The following STAT4 variants were observed in gnomAD, a reference collection of about 807,000 sequenced individuals.
The protein encoded by STAT4 is signal transducer and activator of transcription 4.
Under a neutral mutation model 110.5 loss-of-function variants are expected in STAT4, and 42 were observed. The ratio of observed to expected loss-of-function variants is 0.38; its 90% confidence interval spans 0.30 to 0.49. The LOEUF (loss-of-function observed/expected upper bound fraction) is 0.49. Ranked by LOEUF, STAT4 falls within the 20% of genes least tolerant of loss-of-function variation. The pLI is 0.95. For synonymous variants in STAT4, 284 were observed against 302.2 expected (o/e 0.94, Z 0.63); for missense variants, 632 against 887.9 (o/e 0.71, Z 3.66).
rs900056936 is a variant in STAT4 at position 191,077,061 on chromosome 2, G to T, written c.274-736C>A. Among the ~76,000 whole-genome samples, 7 of 152,148 alleles carry T rather than the reference G, an allele frequency of 4.6e-5. No homozygotes were observed. The highest frequency in any genetic ancestry group is 2.9e-5 in the Non-Finnish European group (2 of 68,026). ...TGTTTGTGTCAACTAGCTCATAGCT[G>T]CATTAGTATACTAGAGTGAAACTAT... On this transcript the variant is annotated intron_variant, in intron 3 of 23. Coordinates refer to ENST00000392320, the MANE Select transcript of STAT4 (RefSeq NM_003151.4). This position sits in a 1 kb window ranked among gnomAD's most constrained non-coding sequence, Gnocchi z 4.1.
At chr2:191,129,891 G>A (rs1320679684) in intron 3 of STAT4, among the ~76,000 whole-genome samples, 1 of 152,054 alleles carries the variant, frequency 6.6e-6, no homozygotes, top group Non-Finnish European at 1.5e-5. Context: ...TATAACTGAG[G>A]AGTTTTGTCA....
chr2:191,041,234 T>G (rs979734767), intron 14 of STAT4, 86 bp from the exon 15 acceptor site: 1 of 566,862 alleles, frequency 1.8e-6, no homozygotes, highest in Non-Finnish European at 2.6e-6. Context: ...ATTAATATAT[T>G]TATTAATAAA....
rs949960870 is a variant in STAT4 at position 191,113,620 on chromosome 2, T to C, written c.273+32993A>G. The stretch of plus-strand genomic sequence containing the variant: ...CAATTAGGTACCATTAGGGCCAAAT[T>C]TGTCTTTTGTCATCATGCGGAAGAA... On this transcript the variant is annotated intron_variant, in intron 3 of 23. Transcript: ENST00000392320. The surrounding 1 kb of genome is among the most constrained non-coding windows in gnomAD (Gnocchi z 4.8). Among the ~76,000 whole-genome samples, 16 of 152,190 alleles carry C rather than the reference T, an allele frequency of 1.1e-4. No homozygotes were observed. Among genetic ancestry groups the C allele is most frequent in the Admixed American group, 8.5e-4 (13 of 15,278 alleles).
Position 191,144,698 on chromosome 2 carries a change from T to G in STAT4, c.273+1915A>C, listed in dbSNP as rs996730230. On this transcript the variant is annotated intron_variant, in intron 3 of 23. Coordinates refer to ENST00000392320, the MANE Select transcript of STAT4 (RefSeq NM_003151.4). This position sits in a 1 kb window ranked among gnomAD's most constrained non-coding sequence, Gnocchi z 4.7. Reference sequence around the variant, plus strand: ...AGGAGAAGCTTCCCTCACAATCTTATCCTCCAGCCCACAAAAGATGGGTTG... The same window carrying G: ...AGGAGAAGCTTCCCTCACAATCTTAGCCTCCAGCCCACAAAAGATGGGTTG... 6.6e-6 allele frequency among the ~76,000 whole-genome samples: 1 copy of G among 151,864 alleles called. No homozygotes were observed. The highest frequency in any genetic ancestry group is 1.5e-5 in the Non-Finnish European group (1 of 68,010).
chr2:191,035,936 C>T lies in STAT4; in HGVS notation c.1570+228G>A, dbSNP rs1696031812. On this transcript the variant is annotated intron_variant, in intron 17 of 23. Transcript: ENST00000392320. The surrounding 1 kb of genome is among the most constrained non-coding windows in gnomAD (Gnocchi z 4.7). ...GCCGTGGCAAGTCACTTGACTTCTG[C>T]ACTCCAATCCAGTCATTTATAAAAT... Among the ~76,000 whole-genome samples the T allele has an allele frequency of 6.6e-6, 1 of 152,208 alleles. No homozygotes were observed. Among genetic ancestry groups the T allele is most frequent in the Admixed American group, 6.5e-5 (1 of 15,286 alleles).
Position 191,053,956 on chromosome 2 carries a change from T to C in STAT4, c.1251+534A>G, listed in dbSNP as rs1208044469. ...CAGCCTGGGAAACATGGTGGGACTC[T>C]GTCTCTACGAAAAATACAAAAACTA... On this transcript the variant is annotated intron_variant, in intron 14 of 23. Coordinates refer to ENST00000392320, the MANE Select transcript of STAT4 (RefSeq NM_003151.4). This position sits in a 1 kb window ranked among gnomAD's most constrained non-coding sequence, Gnocchi z 4.5. Among the ~76,000 whole-genome samples, 1 of 152,038 alleles carries C rather than the reference T, an allele frequency of 6.6e-6. No individual in the cohort carries two copies. The highest frequency in any genetic ancestry group is 1.5e-5 in the Non-Finnish European group (1 of 67,992).
Position 191,050,169 on chromosome 2 carries a change from G to A in STAT4, c.1251+4321C>T, listed in dbSNP as rs1210006479. Among the ~76,000 whole-genome samples the A allele has an allele frequency of 3.3e-5, 5 of 152,130 alleles. No individual in the cohort carries two copies. The highest frequency in any genetic ancestry group is 7.3e-5 in the Non-Finnish European group (5 of 68,032). ...AAAGCCCACTGACAAAGAGCAAACT[G>A]GAGAAACTGCAATTCCAGCTTCTCT... On this transcript the variant is annotated intron_variant, in intron 14 of 23. Coordinates refer to ENST00000392320, the MANE Select transcript of STAT4 (RefSeq NM_003151.4). This position sits in a 1 kb window ranked among gnomAD's most constrained non-coding sequence, Gnocchi z 4.3.
At chr2:191,132,976 G>A (rs1699084222) in intron 3 of STAT4, among the ~76,000 whole-genome samples, 1 of 151,214 alleles carries the variant, frequency 6.6e-6, no homozygotes, top group African/African-American at 2.4e-5. Flanking sequence ...GGATGGTCTC[G>A]ATATCCTGAC....
At chr2:191,131,412 C>G (rs1020658) in intron 3 of STAT4, 47,786 of 155,348 alleles carry the variant, frequency 0.31, 8,133 homozygotes, top group Middle Eastern at 0.45. Context: ...CTACGCACAT[C>G]TGTATGGATG....
In STAT4 at chr2:191,140,439, T is replaced by G. The variant is rs1304595115; in HGVS notation, c.273+6174A>C. 6.6e-6 allele frequency among the ~76,000 whole-genome samples: 1 copy of G among 152,146 alleles called. No individual in the cohort carries two copies. The highest frequency in any genetic ancestry group is 2.4e-5 in the African/African-American group (1 of 41,446). On this transcript the variant is annotated intron_variant, in intron 3 of 23. Coordinates refer to ENST00000392320, the MANE Select transcript of STAT4 (RefSeq NM_003151.4). This position sits in a 1 kb window ranked among gnomAD's most constrained non-coding sequence, Gnocchi z 4.4. ...TCCCATCAAAAAGCGGGCAAAGGAC[T>G]TGAATACACAATTCTCAAAAGAAGA...
chr2:191,131,718 C>T (rs1177085263), intron 3 of STAT4: 6 of 1,215,674 alleles, frequency 4.9e-6, no homozygotes, highest in Middle Eastern at 2.3e-4. Flanking sequence ...AGCCAGAATT[C>T]TCCGATGTTT....
At chr2:191,045,080 A>G (rs1696312467) in intron 14 of STAT4, among the ~76,000 whole-genome samples, 1 of 152,226 alleles carries the variant, frequency 6.6e-6, no homozygotes, top group African/African-American at 2.4e-5. Flanking sequence ...GAGAGCTGTA[A>G]TAAGAAAGAC....
intron 3 of STAT4, among the ~76,000 whole-genome samples, chr2:191,145,914 A>T (rs1452279028): frequency 6.6e-6 from 1 of 152,112 alleles, no homozygotes; most frequent in Non-Finnish European, 1.5e-5. Flanking sequence ...TCCCTGATTC[A>T]CTTACTTGAT....
In STAT4 at chr2:191,138,540, C is replaced by T. The variant is rs1699239575; in HGVS notation, c.273+8073G>A. Among the ~76,000 whole-genome samples the T allele has an allele frequency of 6.6e-6, 1 of 152,068 alleles. No individual in the cohort carries two copies. The highest frequency in any genetic ancestry group is 1.5e-5 in the Non-Finnish European group (1 of 68,016). ...TAAATTCCTGGAAATATAAAACCCT[C>T]CTAAATTAAATCAGGAAGAAACAGA... On this transcript the variant is annotated intron_variant, in intron 3 of 23. Transcript: ENST00000392320. The surrounding 1 kb of genome is among the most constrained non-coding windows in gnomAD (Gnocchi z 4.3).
intron 3 of STAT4, among the ~76,000 whole-genome samples, chr2:191,137,522 A>G (rs1448024944): frequency 6.6e-6 from 1 of 152,106 alleles, no homozygotes; most frequent in African/African-American, 2.4e-5. Context: ...AAAATAGAAA[A>G]AAAATTTGTA....
At chr2:191,145,368 AC>A (rs1343620334) in intron 3 of STAT4, among the ~76,000 whole-genome samples, 1 of 152,126 alleles carries the variant, frequency 6.6e-6, no homozygotes, top group African/African-American at 2.4e-5. Flanking sequence ...AAATATAAAA[AC>A]CATTCTTAGT....
chr2:191,148,890 G>C (rs930338375), intron 1 of STAT4, among the ~76,000 whole-genome samples: 1 of 152,152 alleles, frequency 6.6e-6, no homozygotes, highest in African/African-American at 2.4e-5. Flanking sequence ...AAAGGATGTA[G>C]TCTTTTTGTC....
chr2:191,149,073 T>C (rs1437021859), intron 1 of STAT4, among the ~76,000 whole-genome samples: 1 of 152,232 alleles, frequency 6.6e-6, no homozygotes, highest in Admixed American at 6.5e-5. Context: ...GGAAAATTAG[T>C]ATGACGCTGC....
In STAT4 at chr2:191,135,679, A is replaced by G. The variant is rs943069898; in HGVS notation, c.273+10934T>C. ...GACAGGGTTTCACCATGTTGGCTGC[A>G]CTGGTCTCAAACTCCTGACCTCAGG... is the stretch of plus-strand genomic sequence containing the variant. On this transcript the variant is annotated intron_variant, in intron 3 of 23. Coordinates refer to ENST00000392320, the MANE Select transcript of STAT4 (RefSeq NM_003151.4). The surrounding 1 kb of genome is among the most constrained non-coding windows in gnomAD (Gnocchi z 4.8). Among the ~76,000 whole-genome samples the G allele has an allele frequency of 6.6e-6, 1 of 152,066 alleles. No homozygotes were observed. Among genetic ancestry groups the G allele is most frequent in the Non-Finnish European group, 1.5e-5 (1 of 67,984 alleles).
Sources: allele counts gnomAD v4.1 joint callset (sites outside exome capture counted in the v4.1 genomes callset), GRCh38; gene constraint gnomAD v4.1.1; non-coding constraint Gnocchi (gnomAD v3.1); transcripts MANE v1.5; gene names NCBI Gene and HGNC (gene_info 2026-07-23, HGNC 2026-07-21).